The following LMF1 variants were observed in gnomAD, a reference collection of about 807,000 sequenced individuals.
LMF1 encodes lipase maturation factor 1, also known as transmembrane protein 112.
LMF1 carries 68 observed loss-of-function variants against 60.6 expected under a neutral mutation model. The ratio of observed to expected loss-of-function variants is 1.12; its 90% CI spans 0.92 to 1.37. The LOEUF (loss-of-function observed/expected upper bound fraction) is 1.37, where lower values mean the gene tolerates loss of function less well. Among genes scored for constraint, LMF1 ranks in the 40% most tolerant of loss-of-function variants. The pLI, the probability that LMF1 is intolerant of heterozygous loss-of-function variation, is 0.00. For synonymous variants in LMF1, 418 were observed against 324.7 expected (o/e 1.29, Z -3.09); for missense variants, 948 against 767.2 (o/e 1.24, Z -2.78).
chr16:898,807 C>T (rs760237517), intron 4 of LMF1, among the ~76,000 whole-genome samples: 12 of 152,234 alleles, frequency 7.9e-5, no homozygotes, highest in African/African-American at 9.6e-5. Context: ...GCTGTGATCA[C>T]GGTTTTAACT....
intron 4 of LMF1, chr16:893,347 A>G (rs184244366): frequency 1.7e-6 from 1 of 572,630 alleles, no homozygotes; most frequent in African/African-American, 1.9e-5. Context: ...TCATTCTCAG[A>G]GCTCCACGCA....
chr16:898,214 A>AGGGACC (rs2070716191), intron 4 of LMF1, among the ~76,000 whole-genome samples: 1 of 152,254 alleles, frequency 6.6e-6, no homozygotes, highest in Non-Finnish European at 1.5e-5. Flanking sequence ...TTGCAGACCA[A>AGGGACC]GGGACCTGGA....
intron 3 of LMF1, among the ~76,000 whole-genome samples, chr16:930,908 G>A (rs769465124): frequency 6.6e-6 from 1 of 152,150 alleles, no homozygotes; most frequent in Non-Finnish European, 1.5e-5. Flanking sequence ...GTTACCTGAG[G>A]TCAGGAGTTG....
At chr16:882,087 AG>A (rs1224447067) in intron 5 of LMF1, among the ~76,000 whole-genome samples, 1 of 152,092 alleles carries the variant, frequency 6.6e-6, no homozygotes, top group East Asian at 1.9e-4. Context: ...CACCTGGGAA[AG>A]GGCCACAGCA....
intron 1 of LMF1, among the ~76,000 whole-genome samples, chr16:968,178 G>A (rs1394671593): frequency 6.6e-6 from 1 of 152,228 alleles, no homozygotes; most frequent in East Asian, 1.9e-4. Flanking sequence ...CAGGACGGAT[G>A]CAAAGTCAGG....
intron 1 of LMF1, among the ~76,000 whole-genome samples, chr16:977,299 C>T (rs1258012085): frequency 6.6e-6 from 1 of 152,186 alleles, no homozygotes; most frequent in Non-Finnish European, 1.5e-5. Flanking sequence ...CAGCCCAGAG[C>T]TCCAAGTGTG....
At chr16:909,070 G>A (rs556864387) in intron 4 of LMF1, among the ~76,000 whole-genome samples, 18 of 152,300 alleles carry the variant, frequency 1.2e-4, no homozygotes, top group African/African-American at 4.3e-4. Flanking sequence ...ACCCCGGCAA[G>A]TGCTCATCAT....
At chr16:952,340 C>T (rs888973674) in intron 2 of LMF1, among the ~76,000 whole-genome samples, 27 of 152,038 alleles carry the variant, frequency 1.8e-4, no homozygotes, top group African/African-American at 6.5e-4. Context: ...ATGCCAGCTG[C>T]AGCCCTCCCT....
chr16:952,976 CAGCCTCCTACATAT>C (rs2072526530), intron 2 of LMF1, among the ~76,000 whole-genome samples: 3 of 51,854 alleles, frequency 5.8e-5, no homozygotes, highest in African/African-American at 1.9e-4. Flanking sequence ...CACCCCAAAC[CAGCCTCCTACATAT>C]CCACACAGAC....
intron 3 of LMF1, among the ~76,000 whole-genome samples, chr16:923,353 G>C (rs1174841308): frequency 1.4e-4 from 21 of 152,306 alleles, no homozygotes; most frequent in Non-Finnish European, 1.5e-5. Context: ...TTCCTGAACA[G>C]CCATGTATTT....
chr16:976,211 G>A (rs547372024), intron 1 of LMF1: 2 of 448,192 alleles, frequency 4.5e-6, no homozygotes, highest in Admixed American at 2.4e-5. Context: ...GGGGGCTGGG[G>A]CCCAGGGCCT....
intron 2 of LMF1, among the ~76,000 whole-genome samples, chr16:935,706 A>C (rs1425798287): frequency 6.6e-6 from 1 of 152,250 alleles, no homozygotes; most frequent in African/African-American, 2.4e-5. Flanking sequence ...TATCTCACTA[A>C]AGACATTAAG....
chr16:944,452 G>A (rs2072187425), intron 2 of LMF1, among the ~76,000 whole-genome samples: 1 of 152,216 alleles, frequency 6.6e-6, no homozygotes, highest in Non-Finnish European at 1.5e-5. Context: ...CCTGCCTCCT[G>A]AGCTTGGAGA....
rs571425973 is a variant in LMF1, at chr16:910,425, G to A, written c.663+506C>T. Among the ~76,000 whole-genome samples, 5 of 152,320 alleles carry A rather than the reference G, an allele frequency of 3.3e-5. No homozygotes were observed. In the East Asian group the frequency reaches 5.8e-4, roughly 18 times the overall value. On this transcript the variant is annotated intron_variant, in intron 4 of 10. Coordinates refer to ENST00000262301, the MANE Select transcript of LMF1 (RefSeq NM_022773.4). ...TCAAAGCCAAGCAGGCAAAGCACCC[G>A]GGAGGAAGGACGCAGCCAAGAGACC...
intron 4 of LMF1, among the ~76,000 whole-genome samples, chr16:910,525 A>G (rs1209452385): frequency 1.3e-5 from 2 of 152,190 alleles, no homozygotes; most frequent in East Asian, 3.9e-4. Flanking sequence ...TATGTCTGCC[A>G]ACGCGCCCAC....
intron 3 of LMF1, among the ~76,000 whole-genome samples, chr16:911,663 G>T (rs1298730257): frequency 1.1e-5 from 1 of 92,236 alleles, no homozygotes; most frequent in Non-Finnish European, 2.2e-5. Flanking sequence ...GGGCAGCACT[G>T]GGGGGGCAGC....
chr16:879,998 A>C (rs2070116835), intron 5 of LMF1, among the ~76,000 whole-genome samples: 1 of 152,232 alleles, frequency 6.6e-6, no homozygotes, highest in Admixed American at 6.5e-5. Flanking sequence ...TACACACCCC[A>C]GCTGAAGGAG....
intron 1 of LMF1, among the ~76,000 whole-genome samples, chr16:978,124 CACA>C (rs1400099701): frequency 0.035 from 4,197 of 119,782 alleles, 161 homozygotes; most frequent in African/African-American, 0.11. Context: ...ACACCATACA[CACA>C]CCACACCACA....
intron 10 of LMF1, chr16:856,101 G>A (rs928827008): frequency 1.1e-5 from 4 of 380,476 alleles, no homozygotes; most frequent in African/African-American, 4.2e-5. Context: ...GTGGGGTCGG[G>A]CCTTTGGAAA....
Sources: allele counts gnomAD v4.1 joint callset (sites outside exome capture counted in the v4.1 genomes callset), GRCh38; gene constraint gnomAD v4.1.1; transcripts MANE v1.5; gene names NCBI Gene and HGNC (gene_info 2026-07-23, HGNC 2026-07-21).